Variants in SPATA1 observed in about 807,000 individuals in gnomAD.
SPATA1 encodes spermatogenesis-associated protein 1.
Under a neutral mutation model 59.6 loss-of-function variants are expected in SPATA1, and 57 were observed. The ratio of observed to expected loss-of-function variants is 0.96; its 90% confidence interval spans 0.77 to 1.19. The LOEUF is 1.19. Ranked by LOEUF, SPATA1 falls within the 50% of genes most tolerant of loss-of-function variation. SPATA1 has a pLI of 0.00. For missense variants in SPATA1, 448 were observed against 480.7 expected, an observed-to-expected ratio of 0.93 and a Z score of 0.64; for synonymous variants, 147 against 163.9, an observed-to-expected ratio of 0.90 and a Z score of 0.79.
downstream of SPATA1, among the ~76,000 whole-genome samples, chr1:84,558,096 G>T (rs1420419417): frequency 1.3e-5 from 2 of 152,056 alleles, no homozygotes; most frequent in East Asian, 3.9e-4. Flanking sequence ...GTATCCCGTG[G>T]TAACTATAGT....
chr1:84,559,288 ATTGT>A (rs887565275), downstream of SPATA1, among the ~76,000 whole-genome samples: 1 of 152,232 alleles, frequency 6.6e-6, no homozygotes, highest in African/African-American at 2.4e-5. Flanking sequence ...TACTATTGTA[ATTGT>A]TTGTGGGCAC....
At chr1:84,550,375 G>C in intron 11 of SPATA1, 57 bp from the exon 12 acceptor site, 1 of 842,134 alleles carries the variant, frequency 1.2e-6, no homozygotes, top group South Asian at 3.0e-5. Flanking sequence ...TCACAAGGCA[G>C]TTAAAAATAA....
intron 5 of SPATA1, 23 bp from the exon 6 acceptor site, chr1:84,525,822 T>C: frequency 6.2e-7 from 1 of 1,604,852 alleles, no homozygotes; most frequent in Non-Finnish European, 8.5e-7. Context: ...AAACTAACTT[T>C]TAAAATTTCC....
intron 4 of SPATA1, among the ~76,000 whole-genome samples, chr1:84,559,740 A>C (rs1684551684): frequency 6.6e-6 from 1 of 152,204 alleles, no homozygotes; most frequent in Non-Finnish European, 1.5e-5. Flanking sequence ...CTGAAGTGAC[A>C]TTAAATGGCC....
At chr1:84,533,722 G>A in exon 8 of SPATA1, 2 of 1,564,896 alleles carry the variant, frequency 1.3e-6, no homozygotes, top group Non-Finnish European at 1.7e-6. Flanking sequence ...GTGTCTTTGG[G>A]AAAATGAAGA....
At chr1:84,559,544 C>T (rs1040162350) in intron 4 of SPATA1, among the ~76,000 whole-genome samples, 3 of 152,056 alleles carry the variant, frequency 2.0e-5, no homozygotes, top group Non-Finnish European at 2.9e-5. Flanking sequence ...CTCACTTACA[C>T]CTAGGAGGCA....
At chr1:84,557,481 C>T (rs1257468514), downstream of SPATA1, among the ~76,000 whole-genome samples, 1 of 137,058 alleles carries the variant, frequency 7.3e-6, no homozygotes, top group East Asian at 2.1e-4. Context: ...CGCAGTCAGC[C>T]GAGATCGTGC....
At chr1:84,556,001 A>T (rs1030165254), downstream of SPATA1, 2 of 152,238 alleles carry the variant, frequency 1.3e-5, no homozygotes, top group Admixed American at 1.3e-4. Flanking sequence ...GGAGGAGAAA[A>T]GTACATCCTT....
intron 2 of SPATA1, among the ~76,000 whole-genome samples, chr1:84,517,799 C>T (rs1395416): frequency 0.18 from 27,380 of 151,928 alleles, 2,549 homozygotes; most frequent in South Asian, 0.31. Context: ...ATAACCTTTA[C>T]TGCTAGCACG....
chr1:84,551,768 T>G (rs1684280070), intron 12 of SPATA1: 1 of 152,112 alleles, frequency 6.6e-6, no homozygotes, highest in Non-Finnish European at 1.5e-5. Context: ...ATTTGTTCAA[T>G]GAAGGAAAAC....
intron 4 of SPATA1, chr1:84,563,586 T>C: frequency 3.2e-6 from 2 of 633,316 alleles, no homozygotes; most frequent in Non-Finnish European, 4.9e-6. Flanking sequence ...TGTATGATAA[T>C]CATAAGCTTT....
At chr1:84,532,955 T>G in exon 7 of SPATA1, 1 of 1,551,400 alleles carries the variant, frequency 6.4e-7, no homozygotes, top group Non-Finnish European at 8.7e-7. Context: ...AAATAATGAT[T>G]GCTTTGGCAC....
chr1:84,535,853 AATGGCAATAATAATG>A (rs1270714907), intron 8 of SPATA1, among the ~76,000 whole-genome samples: 3 of 152,140 alleles, frequency 2.0e-5, no homozygotes, highest in Non-Finnish European at 2.9e-5. Context: ...GAGAAGTTGT[AATGGCAATAATAATG>A]ATGGCTTCTT....
intron 4 of SPATA1, among the ~76,000 whole-genome samples, chr1:84,564,814 G>A (rs1684661515): frequency 6.6e-6 from 1 of 152,138 alleles, no homozygotes; most frequent in Non-Finnish European, 1.5e-5. Flanking sequence ...GGGAGGCTGA[G>A]GTGGGAGGAT....
chr1:84,522,162 CAG>C (rs1194188482), intron 3 of SPATA1, among the ~76,000 whole-genome samples: 3 of 151,992 alleles, frequency 2.0e-5, no homozygotes, highest in South Asian at 4.1e-4. Context: ...CATTTATAAA[CAG>C]TGTTTATTTG....
intron 10 of SPATA1, among the ~76,000 whole-genome samples, chr1:84,547,811 T>TTTGGATTTTA (rs778692996): frequency 9.9e-5 from 15 of 152,090 alleles, no homozygotes; most frequent in Admixed American, 5.2e-4. Flanking sequence ...AATCAAAGAT[T>TTTGGATTTTA]TTGGATTTTA....
chr1:84,544,376 G>A, intron 9 of SPATA1, 72 bp downstream of exon 9: 1 of 1,136,328 alleles, frequency 8.8e-7, no homozygotes, highest in Non-Finnish European at 1.3e-6. Flanking sequence ...GGGAGTTACT[G>A]TTTAATGGGT....
chr1:84,522,911 C>CT (rs370552721), intron 4 of SPATA1, among the ~76,000 whole-genome samples: 218 of 143,490 alleles, frequency 1.5e-3, no homozygotes, highest in Admixed American at 2.0e-3. Context: ...TTGGTGTCAA[C>CT]TTTTTTTTTT....
chr1:84,561,832 G>A (rs570181543), intron 4 of SPATA1, among the ~76,000 whole-genome samples: 4 of 152,258 alleles, frequency 2.6e-5, no homozygotes, highest in Admixed American at 2.6e-4. Flanking sequence ...ATTAAGGTAT[G>A]TACTTTTTTT....
Sources: gnomAD v4.1 joint callset for allele counts (sites outside exome capture counted in the v4.1 genomes callset) on GRCh38, gnomAD v4.1.1 for gene constraint, MANE v1.5 for transcripts, NCBI Gene and HGNC (gene_info 2026-07-23, HGNC 2026-07-21) for gene names.